The following TAB3 variants were observed in gnomAD, a reference collection of about 807,000 sequenced individuals.
TAB3 encodes TGF-beta activated kinase 1 (MAP3K7) binding protein 3.
TAB3 carries 18 observed loss-of-function variants against 48.1 expected under a neutral mutation model. That is an observed-to-expected ratio of 0.37 (90% CI 0.26 to 0.55). The LOEUF (loss-of-function observed/expected upper bound fraction) is 0.55, where lower values mean the gene tolerates loss of function less well. Ranked by LOEUF, TAB3 falls within the 20% of genes least tolerant of loss-of-function variation. The probability of loss-of-function intolerance (pLI) is 0.78; values close to 1 mark genes in which losing one functional copy is unlikely to be tolerated. For synonymous variants in TAB3, 185 were observed against 190.2 expected (o/e 0.97, Z 0.22); for missense variants, 414 against 549.8 (o/e 0.75, Z 2.47).
At chrX:30,851,746 T>A (rs940773968) in intron 7 of TAB3, among the ~76,000 whole-genome samples, 2 of 111,650 alleles carry the variant, frequency 1.8e-5, no homozygotes, top group Middle Eastern at 4.2e-3. Flanking sequence ...GAGATTGCCC[T>A]TAGCTTAGAG....
chrX:30,870,760 G>A (rs997416585), intron 2 of TAB3, among the ~76,000 whole-genome samples: 1 of 112,114 alleles, frequency 8.9e-6, no homozygotes, highest in Non-Finnish European at 1.9e-5. Flanking sequence ...CTGAGGAAAG[G>A]TGCCACTGAC....
chrX:30,834,011 TTG>T (rs1938111174), intron 10 of TAB3, 38 bp downstream of exon 10: 1 of 1,121,290 alleles, frequency 8.9e-7, no homozygotes, highest in Non-Finnish European at 1.2e-6. Context: ...ACATGTGTCT[TTG>T]GACATTCTGC....
intron 9 of TAB3, among the ~76,000 whole-genome samples, chrX:30,837,581 G>A (rs944371704): frequency 1.8e-5 from 2 of 111,507 alleles, no homozygotes; most frequent in East Asian, 5.6e-4. Flanking sequence ...TATATACTCT[G>A]GATACCATCC....
chrX:30,832,910 T>C (rs1044691169), intron 10 of TAB3, among the ~76,000 whole-genome samples: 3 of 111,499 alleles, frequency 2.7e-5, no homozygotes, highest in African/African-American at 9.8e-5. Context: ...CTTTTTTGTC[T>C]CATATGGAGG....
intron 1 of TAB3, among the ~76,000 whole-genome samples, chrX:30,875,988 T>C (rs1204811573): frequency 8.9e-6 from 1 of 111,971 alleles, no homozygotes; most frequent in Non-Finnish European, 1.9e-5. Flanking sequence ...GGTCAAAATA[T>C]AAGAAATGCC....
intron 2 of TAB3, among the ~76,000 whole-genome samples, chrX:30,870,810 A>G (rs1422190673): frequency 3.6e-5 from 4 of 111,933 alleles, no homozygotes; most frequent in African/African-American, 1.3e-4. Context: ...TAAACATCCT[A>G]CACTGCACAG....
chrX:30,844,261 T>G (rs1190757221), intron 8 of TAB3: 1 of 112,110 alleles, frequency 8.9e-6, no homozygotes, highest in African/African-American at 3.2e-5. Context: ...CCCAAAGAGC[T>G]CATTGTCCAA....
intron 7 of TAB3, among the ~76,000 whole-genome samples, chrX:30,848,463 A>G (rs1397978366): frequency 9.0e-6 from 1 of 111,670 alleles, no homozygotes; most frequent in Non-Finnish European, 1.9e-5. Flanking sequence ...TGGAGGTTGC[A>G]GTGAGCCCAG....
chrX:30,837,332 C>T (rs930867189), intron 9 of TAB3, among the ~76,000 whole-genome samples: 2 of 111,010 alleles, frequency 1.8e-5, no homozygotes, highest in African/African-American at 3.3e-5. Flanking sequence ...AGATTATAAG[C>T]ATGAGCCACA....
chrX:30,868,436 G>T (rs1439829969), intron 2 of TAB3, among the ~76,000 whole-genome samples: 3 of 28,071 alleles, frequency 1.1e-4, no homozygotes, highest in Admixed American at 1.1e-3. Flanking sequence ...TATATATATA[G>T]CTTATATATA....
chrX:30,868,479 GCTTATATATATATAT>G lies in TAB3; in HGVS notation c.-279-945_-279-931del, dbSNP rs1569221571. Among the ~76,000 whole-genome samples, 140 of 15,871 alleles carry G rather than the reference GCTTATATATATATAT, an allele frequency of 8.8e-3. 10 individuals are homozygous for G. Among genetic ancestry groups the G allele is most frequent in the African/African-American group, 0.041 (133 of 3,241 alleles). 13.8% of individuals were successfully genotyped at this position (15,871 alleles called of 115,157 possible). ...TATATATATATAGCTTATATATATA[GCTTATATATATATAT>G]AGCTTATATATATATATATAGCTTA... On this transcript the variant is annotated intron_variant, in intron 2 of 10. Transcript: ENST00000288422.
rs1938014600 is a variant in TAB3, at chrX:30,831,008, G to A, written c.*419C>T. ...ACGGGGAGCCTTGGTTTTCCAGAGA[G>A]CGGTGACCAGGTAAGTCTGCTCTGG... On this transcript the variant is annotated 3_prime_UTR_variant, in exon 11 of 11. Coordinates refer to ENST00000288422, the MANE Select transcript of TAB3 (RefSeq NM_152787.5). 9.6e-6 allele frequency: 1 copy of A among 103,853 alleles called. No homozygotes were observed. The allele number at this position is 103,853 out of a possible 1,213,427, so 8.6% of individuals were successfully genotyped here. A position where few individuals can be genotyped will look rare whatever the true frequency, so the allele number is the denominator to read the frequency against.
Position 30,859,360 on chromosome X carries a change from CCACACA to C in TAB3, c.102+121_102+126del, listed in dbSNP as rs137921689. The C allele has an allele frequency of 5.9e-4, 230 of 391,843 alleles. 1 individual carries two copies. The highest frequency in any genetic ancestry group is 5.7e-3 in the African/African-American group (192 of 33,397). The allele number at this position is 391,843 out of a possible 1,213,427, so 32.3% of individuals were successfully genotyped here. On this transcript the variant is annotated intron_variant, in intron 5 of 10. Transcript: ENST00000288422. ...TGCCAAGGTTGAGGGAAATCCTGCT[CCACACA>C]CACACACACACACACACACACACAC...
rs1279275176 is a variant in TAB3, at chrX:30,830,319, C to T, written c.*1108G>A. On this transcript the variant is annotated 3_prime_UTR_variant, in exon 11 of 11. Coordinates refer to ENST00000288422, the MANE Select transcript of TAB3 (RefSeq NM_152787.5). ...CTTTGTCGTTGGCCAACTGTAATTC[C>T]CCTCACACTGGTTTGTTAACATATG... The T allele has an allele frequency of 8.9e-6, 1 of 112,183 alleles. No homozygotes were observed. Among genetic ancestry groups the T allele is most frequent in the Non-Finnish European group, 1.9e-5 (1 of 53,196 alleles). The allele number at this position is 112,183 out of a possible 1,213,427, so 9.2% of individuals were successfully genotyped here.
intron 7 of TAB3, among the ~76,000 whole-genome samples, chrX:30,851,682 A>G (rs1938857787): frequency 8.9e-6 from 1 of 112,120 alleles, no homozygotes; most frequent in African/African-American, 3.2e-5. Flanking sequence ...GGCTGCAGAC[A>G]TGCTGACTGC....
chrX:30,864,744 G>A (rs1939351241), intron 4 of TAB3, among the ~76,000 whole-genome samples: 1 of 111,889 alleles, frequency 8.9e-6, no homozygotes, highest in South Asian at 3.7e-4. Flanking sequence ...AATGGTCTGT[G>A]GAATGAATTC....
intron 1 of TAB3, among the ~76,000 whole-genome samples, chrX:30,879,565 G>C (rs1485082244): frequency 9.0e-6 from 1 of 111,578 alleles, no homozygotes; most frequent in Non-Finnish European, 1.9e-5. Flanking sequence ...CATGATGTAA[G>C]CTCCTAATAA....
intron 1 of TAB3, among the ~76,000 whole-genome samples, chrX:30,887,429 C>G (rs1940163190): frequency 8.9e-6 from 1 of 112,310 alleles, no homozygotes; most frequent in Non-Finnish European, 1.9e-5. Context: ...AGATTACCAA[C>G]AGAACTGAAA....
At chrX:30,868,476 ATAGCT>A in intron 2 of TAB3, among the ~76,000 whole-genome samples, 1 of 33,211 alleles carries the variant, frequency 3.0e-5, no homozygotes, top group Non-Finnish European at 4.7e-5. Flanking sequence ...GCTTATATAT[ATAGCT>A]TATATATATA....
Sources: allele counts gnomAD v4.1 joint callset (sites outside exome capture counted in the v4.1 genomes callset), GRCh38; gene constraint gnomAD v4.1.1; transcripts MANE v1.5; gene names NCBI Gene and HGNC (gene_info 2026-07-23, HGNC 2026-07-21).